The following GLG1 variants were observed in gnomAD, a reference collection of about 807,000 sequenced individuals.
GLG1 encodes golgi glycoprotein 1.
Under a neutral mutation model 160.5 loss-of-function variants are expected in GLG1, and 38 were observed. The ratio of observed to expected loss-of-function variants is 0.24; its 90% confidence interval spans 0.18 to 0.31. The LOEUF (loss-of-function observed/expected upper bound fraction) is 0.31. GLG1 is among the 10% of genes least tolerant of loss of function. GLG1 has a pLI of 1.00. For synonymous variants in GLG1, 644 were observed against 543.4 expected (o/e 1.19, Z -2.57); for missense variants, 1,373 against 1,505.2 (o/e 0.91, Z 1.45).
At chr16:74,556,545 G>A (rs1029472388) in intron 1 of GLG1, among the ~76,000 whole-genome samples, 4 of 152,030 alleles carry the variant, frequency 2.6e-5, no homozygotes, top group Non-Finnish European at 5.9e-5. Flanking sequence ...TCAGCTGGGC[G>A]TGGTGGTTCA....
At chr16:74,543,200 G>A (rs1454457326) in intron 1 of GLG1, among the ~76,000 whole-genome samples, 1 of 152,144 alleles carries the variant, frequency 6.6e-6, no homozygotes, top group East Asian at 1.9e-4. Context: ...TCAGGAAGTG[G>A]ACTTCCATCT....
At chr16:74,606,081 G>A (rs973940292) in intron 1 of GLG1, among the ~76,000 whole-genome samples, 1 of 152,168 alleles carries the variant, frequency 6.6e-6, no homozygotes, top group Non-Finnish European at 1.5e-5. Flanking sequence ...AACTTTTCAA[G>A]CTTTGGGGCG....
chr16:74,575,011 G>GGC (rs2018957526), intron 1 of GLG1, among the ~76,000 whole-genome samples: 2 of 43,640 alleles, frequency 4.6e-5, no homozygotes, highest in African/African-American at 1.7e-4. Context: ...GAGGCCGGGG[G>GGC]GGGGGGGGGG....
At chr16:74,537,824 G>A (rs1182252904) in intron 1 of GLG1, among the ~76,000 whole-genome samples, 1 of 148,216 alleles carries the variant, frequency 6.7e-6, no homozygotes, top group Non-Finnish European at 1.5e-5. Context: ...ACAACAAACA[G>A]GTTTCAGAAT....
chr16:74,549,495 C>T (rs2018140103), intron 1 of GLG1, among the ~76,000 whole-genome samples: 1 of 152,174 alleles, frequency 6.6e-6, no homozygotes, highest in Non-Finnish European at 1.5e-5. Flanking sequence ...ACTGTGTTAG[C>T]CAGGATGGTC....
Position 74,470,147 on chromosome 16 carries a change from C to T in GLG1, c.2230-74G>A, listed in dbSNP as rs2015144294. 22 of 851,892 alleles carry T rather than the reference C, an allele frequency of 2.6e-5. No homozygotes were observed. The South Asian group carries it at 2.9e-4, about 11-fold the overall frequency. The allele number at this position is 851,892 out of a possible 1,614,324, so 52.8% of individuals were successfully genotyped here. A position where few individuals can be genotyped will look rare whatever the true frequency, so the allele number is the denominator to read the frequency against. Reference sequence around the variant, plus strand: ...TCAGTAGTGGTAGGGCGCACTTTTTCATATAGCTCTCACAAGCCTGTTTAC... The same window carrying T: ...TCAGTAGTGGTAGGGCGCACTTTTTTATATAGCTCTCACAAGCCTGTTTAC... On this transcript the variant is annotated intron_variant, in intron 15 of 25. Transcript: ENST00000422840.
rs1456055057 is a variant in GLG1, at chr16:74,451,765, T to TG, written c.*1401dup. 5.1e-6 allele frequency: 2 copies of TG among 392,546 alleles called. No homozygotes were observed. The highest frequency in any genetic ancestry group is 7.3e-5 in the Admixed American group (2 of 27,418). The allele number at this position is 392,546 out of a possible 1,614,324, so 24.3% of individuals were successfully genotyped here. A position where few individuals can be genotyped will look rare whatever the true frequency, so the allele number is the denominator to read the frequency against. ...AAAGGAGTGCCACGCTGAACCATGA[T>TG]GCCCGGACCCCTCCCTCTCACACCC... On this transcript the variant is annotated 3_prime_UTR_variant, in exon 26 of 26. Transcript: ENST00000422840.
At chr16:74,552,542 T>G (rs150766983) in intron 1 of GLG1, 50 of 332,538 alleles carry the variant, frequency 1.5e-4, no homozygotes, top group African/African-American at 5.1e-4. Context: ...TATACCACAG[T>G]CATCCAGAGA....
intron 1 of GLG1, among the ~76,000 whole-genome samples, chr16:74,592,917 A>C (rs977263674): frequency 6.6e-6 from 1 of 152,168 alleles, no homozygotes; most frequent in Non-Finnish European, 1.5e-5. Flanking sequence ...TTAAGAGCTC[A>C]CTAGGTCATG....
intron 1 of GLG1, among the ~76,000 whole-genome samples, chr16:74,587,726 C>A (rs1429328762): frequency 6.6e-6 from 1 of 152,112 alleles, no homozygotes; most frequent in Admixed American, 6.5e-5. Context: ...ATTAGCTGGG[C>A]ATTGTGGCAC....
At chr16:74,601,349 G>A (rs1199853300) in intron 1 of GLG1, among the ~76,000 whole-genome samples, 1 of 152,066 alleles carries the variant, frequency 6.6e-6, no homozygotes. Flanking sequence ...GGAGGCAGAG[G>A]AGGGTGGGTC....
At chr16:74,570,235 C>G (rs2018788350) in intron 1 of GLG1, among the ~76,000 whole-genome samples, 2 of 152,180 alleles carry the variant, frequency 1.3e-5, no homozygotes, top group South Asian at 4.1e-4. Flanking sequence ...CCTGACTTCA[C>G]CATTTCTCCA....
intron 1 of GLG1, among the ~76,000 whole-genome samples, chr16:74,596,165 C>A (rs542389419): frequency 6.6e-6 from 1 of 152,110 alleles, no homozygotes; most frequent in Admixed American, 6.6e-5. Context: ...AAAGTGTACA[C>A]ATTTTGAGAT....
At chr16:74,535,582 G>A (rs1295003386) in intron 1 of GLG1, among the ~76,000 whole-genome samples, 1 of 152,100 alleles carries the variant, frequency 6.6e-6, no homozygotes, top group East Asian at 1.9e-4. Flanking sequence ...AAAGGTATGT[G>A]CCATGATAGC....
intron 2 of GLG1, among the ~76,000 whole-genome samples, chr16:74,513,430 G>A (rs1272246262): frequency 2.0e-5 from 3 of 152,080 alleles, no homozygotes; most frequent in African/African-American, 7.2e-5. Context: ...CCTCTGGGAC[G>A]AAGCTTCCAG....
intron 8 of GLG1, among the ~76,000 whole-genome samples, chr16:74,490,675 A>G (rs1056160635): frequency 1.3e-5 from 2 of 152,176 alleles, no homozygotes; most frequent in African/African-American, 4.8e-5. Flanking sequence ...CATTGATTGG[A>G]ACCTGGTTTG....
chr16:74,512,653 G>C (rs1160615521), intron 2 of GLG1, among the ~76,000 whole-genome samples: 1 of 150,862 alleles, frequency 6.6e-6, no homozygotes, highest in African/African-American at 2.4e-5. Context: ...CATCCTTCTA[G>C]GTAATGGGGA....
At chr16:74,470,329 CCTT>C (rs1266596387) in intron 15 of GLG1, among the ~76,000 whole-genome samples, 11 of 146,412 alleles carry the variant, frequency 7.5e-5, no homozygotes, top group East Asian at 6.1e-4. Context: ...TCCTTCCTTT[CCTT>C]CTTTCCTTCC....
intron 1 of GLG1, among the ~76,000 whole-genome samples, chr16:74,553,303 G>C (rs1700150852): frequency 6.6e-6 from 1 of 151,796 alleles, no homozygotes; most frequent in African/African-American, 2.4e-5. Context: ...GTCAAGTGAT[G>C]CTTCTGCTTT....
Sources: gnomAD v4.1 joint callset for allele counts (sites outside exome capture counted in the v4.1 genomes callset) on GRCh38, gnomAD v4.1.1 for gene constraint, MANE v1.5 for transcripts, NCBI Gene and HGNC (gene_info 2026-07-23, HGNC 2026-07-21) for gene names.